Variants in MYCBP2 observed in about 807,000 individuals in gnomAD.
MYCBP2 encodes MYC binding protein 2, also known as E3 ubiquitin-protein ligase MYCBP2.
A neutral mutation model predicts 525.3 loss-of-function variants in MYCBP2; 120 were observed. The ratio of observed to expected loss-of-function variants is 0.23; its 90% CI spans 0.20 to 0.27. MYCBP2 has a LOEUF of 0.27. Among genes scored for constraint, MYCBP2 ranks in the 10% least tolerant of loss-of-function variants. MYCBP2 has a pLI of 1.00. For synonymous variants in MYCBP2, 1,894 were observed against 1,955.8 expected (o/e 0.97, Z 0.83); for missense variants, 4,149 against 5,657.1 (o/e 0.73, Z 8.55).
At position 77,068,659 on chromosome 13, in the gene MYCBP2, G is replaced by T. The variant is rs1232856382; in HGVS notation, c.12077C>A (p.Ser4026Tyr). ...LLSMVLALSG[S>Y]NVGRQYLAQQ... ...AGCCAGATATTGCCGGCCAACGTTA[G>T]AGCCACTCAGTGCTAAAACCATAGA... The change falls in exon 70 of 83, where the codon TCT becomes TAT. Residue 4026 changes from serine (S) to tyrosine (Y), a missense_variant. By Grantham distance (144) the Ser-to-Tyr change is moderately radical (BLOSUM62 -2). This residue lies in a region of MYCBP2 where 64 missense variants were observed against 131.2 expected (regional missense o/e 0.49). Transcript: ENST00000544440. 2.1e-5 allele frequency: 34 copies of T among 1,614,094 alleles called. No individual in the cohort carries two copies. Among genetic ancestry groups the T allele is most frequent in the Non-Finnish European group, 2.7e-5 (32 of 1,180,040 alleles).
rs2075158538 is a variant in MYCBP2 at position 77,273,601 on chromosome 13, C to T, written c.816G>A (p.Gln272=). The part of the protein sequence containing the change: ...RSTGMNDSTG[Q]SLTALSCACL... ...AAGCACAGGAAAGTGCTGTTAAGGA[C>T]TGTCCTGTGCTGTCATTCATCCCAG... The change falls in exon 5 of 83, where the codon CAG becomes CAA. Residue 272 remains glutamine (Q), a synonymous_variant. Transcript: ENST00000544440. The T allele has an allele frequency of 1.9e-6, 3 of 1,601,386 alleles. No individual in the cohort carries two copies.
rs577783143 is a variant in MYCBP2 at position 77,069,817 on chromosome 13, G to A, written c.11904+814C>T. On this transcript the variant is annotated intron_variant, in intron 69 of 82. Transcript: ENST00000544440. ...CAGGAGGCGGAGCTTGCAGTGGGCC[G>A]AGATCGCACCACTGCACTCCAGCCT... 2.0e-3 allele frequency among the ~76,000 whole-genome samples: 310 copies of A among 151,496 alleles called. 2 individuals are homozygous for A. Among genetic ancestry groups the A allele is most frequent in the African/African-American group, 5.5e-3 (226 of 41,310 alleles).
In MYCBP2 at chr13:77,217,089, T is replaced by C. The variant is rs1368649277; in HGVS notation, c.3057+751A>G. Among the ~76,000 whole-genome samples the C allele has an allele frequency of 3.9e-5, 6 of 152,218 alleles. No individual in the cohort carries two copies. The South Asian group carries it at 8.3e-4, about 21-fold the overall frequency. ...ACTAACCAGATATTCTACACACTGT[T>C]CTTAGTTGTGCAATCTTTCTGTAAG... On this transcript the variant is annotated intron_variant, in intron 21 of 82. Transcript: ENST00000544440.
intron 68 of MYCBP2, among the ~76,000 whole-genome samples, chr13:77,073,001 A>G (rs1405441763): frequency 2.0e-5 from 3 of 152,192 alleles, no homozygotes; most frequent in African/African-American, 4.8e-5. Flanking sequence ...TTATTGAGAT[A>G]TAGTTCACAT....
At chr13:77,210,345 AC>A (rs1446992038) in intron 23 of MYCBP2, among the ~76,000 whole-genome samples, 1 of 151,556 alleles carries the variant, frequency 6.6e-6, no homozygotes, top group Non-Finnish European at 1.5e-5. Context: ...GGTGCCCGCC[AC>A]CACGCCCGGC....
intron 34 of MYCBP2, among the ~76,000 whole-genome samples, chr13:77,179,370 T>C (rs1380726457): frequency 6.6e-6 from 1 of 152,154 alleles, no homozygotes; most frequent in African/African-American, 2.4e-5. Flanking sequence ...CTACTGTCTG[T>C]TTTTTAGGAG....
Position 77,281,924 on chromosome 13 carries a change from G to T in MYCBP2, c.595-3013C>A, listed in dbSNP as rs9530630. 5.9e-5 allele frequency among the ~76,000 whole-genome samples: 9 copies of T among 152,028 alleles called. No individual in the cohort carries two copies. The East Asian group carries it at 1.7e-3, about 29-fold the overall frequency. On this transcript the variant is annotated intron_variant, in intron 3 of 82. Transcript: ENST00000544440. ...TTTTATATTTGAAAAAGCTCAAAAG[G>T]AAATCAAAATTATATTTACATATTA... is the stretch of plus-strand genomic sequence containing the variant.
At chr13:77,154,001 G>C (rs1268312286) in intron 46 of MYCBP2, among the ~76,000 whole-genome samples, 1 of 152,076 alleles carries the variant, frequency 6.6e-6, no homozygotes, top group Non-Finnish European at 1.5e-5. Context: ...AAAGCATTTT[G>C]GAACTCATTG....
chr13:77,164,386 C>A (rs2154212386), intron 43 of MYCBP2, 68 bp downstream of exon 43: 1 of 983,714 alleles, frequency 1.0e-6, no homozygotes, highest in Non-Finnish European at 1.6e-6. Flanking sequence ...CTATTTTTGG[C>A]CCTTTTATAA....
At chr13:77,047,039 A>G (rs1162831339) in intron 82 of MYCBP2, among the ~76,000 whole-genome samples, 1 of 152,206 alleles carries the variant, frequency 6.6e-6, no homozygotes, top group East Asian at 1.9e-4. Flanking sequence ...CATTTACTCA[A>G]CAAATATTTA....
At chr13:77,053,137 CAAA>C (rs79225062) in intron 80 of MYCBP2, among the ~76,000 whole-genome samples, 1 of 95,922 alleles carries the variant, frequency 1.0e-5, no homozygotes, top group Non-Finnish European at 2.2e-5. Flanking sequence ...GACCCCGTCT[CAAA>C]AAAAAAAAAA....
At chr13:77,095,332 A>G (rs925351241) in intron 58 of MYCBP2, 26 bp downstream of exon 58, 4 of 1,611,562 alleles carry the variant, frequency 2.5e-6, no homozygotes, top group Middle Eastern at 3.3e-4. Context: ...AAAGGTGATT[A>G]AAAAACAACA....
At chr13:77,208,492 G>A (rs1593910413) in intron 23 of MYCBP2, among the ~76,000 whole-genome samples, 1 of 152,174 alleles carries the variant, frequency 6.6e-6, no homozygotes, top group East Asian at 1.9e-4. Context: ...TGGGCAAACA[G>A]TTAAGTATAT....
chr13:77,051,478 C>A (rs1262250508), intron 81 of MYCBP2, among the ~76,000 whole-genome samples: 1 of 152,180 alleles, frequency 6.6e-6, no homozygotes, highest in Non-Finnish European at 1.5e-5. Flanking sequence ...AAATTAACCT[C>A]TCTTATAATC....
Position 77,185,089 on chromosome 13 carries a change from C to G in MYCBP2, c.4719+14G>C. The G allele has an allele frequency of 6.2e-7, 1 of 1,605,142 alleles. No homozygotes were observed. Among genetic ancestry groups the G allele is most frequent in the South Asian group, 1.1e-5 (1 of 89,996 alleles). On this transcript the variant is annotated intron_variant, in intron 32 of 82. Transcript: ENST00000544440. ...TATCAGATTTTCAACTAACATTTTA[C>G]AAACTTAAATTACCTGATCCAAACA... is the stretch of plus-strand genomic sequence containing the variant.
chr13:77,171,589 G>A lies in MYCBP2; in HGVS notation c.5697C>T (p.Ala1899=). ...GDLQSQLLSK[A]NEEDKNCSRA... ...TGCTACAGTTTTTATCTTCTTCATTGGCTTTACTCAGAAGTTGGGATTGTA... is the reference window on the plus strand; with the variant it reads ...TGCTACAGTTTTTATCTTCTTCATTAGCTTTACTCAGAAGTTGGGATTGTA... The change falls in exon 38 of 83, where the codon GCC becomes GCT. Residue 1899 remains alanine (A), a synonymous_variant. Transcript: ENST00000544440. 6.2e-7 allele frequency: 1 copy of A among 1,613,940 alleles called. No homozygotes were observed. The highest frequency in any genetic ancestry group is 8.5e-7 in the Non-Finnish European group (1 of 1,179,924).
At chr13:77,073,992 C>T (rs1403882318) in intron 68 of MYCBP2, among the ~76,000 whole-genome samples, 1 of 140,578 alleles carries the variant, frequency 7.1e-6, no homozygotes, top group East Asian at 2.1e-4. Context: ...GTCAAAATTC[C>T]ATCCCCACCG....
intron 5 of MYCBP2, among the ~76,000 whole-genome samples, chr13:77,272,869 A>G (rs1407396846): frequency 6.6e-6 from 1 of 152,240 alleles, no homozygotes; most frequent in Non-Finnish European, 1.5e-5. Flanking sequence ...TCAGGTCTTA[A>G]GATCATAACT....
chr13:77,295,354 G>A (rs550771112), intron 2 of MYCBP2, among the ~76,000 whole-genome samples: 1 of 152,114 alleles, frequency 6.6e-6, no homozygotes, highest in Non-Finnish European at 1.5e-5. Context: ...GGATGGTCTC[G>A]ACCTCTTGAC....
Sources: gnomAD v4.1 joint callset for allele counts (sites outside exome capture counted in the v4.1 genomes callset) on GRCh38, gnomAD v4.1.1 for gene constraint, gnomAD v4.1.1 regional missense constraint, MANE v1.5 for transcripts, NCBI Gene and HGNC (gene_info 2026-07-23, HGNC 2026-07-21) for gene names.